Variants in VWC2 observed in about 807,000 individuals in gnomAD.
VWC2 encodes von Willebrand factor C domain containing 2.
Under a neutral mutation model 29.8 loss-of-function variants are expected in VWC2, and 14 were observed. The observed-to-expected ratio is 0.47, with a 90% CI of 0.31 to 0.74. The LOEUF (loss-of-function observed/expected upper bound fraction) is 0.74. Among genes scored for constraint, VWC2 ranks in the 30% least tolerant of loss-of-function variants. VWC2 has a pLI of 0.05. For missense variants in VWC2, 457 were observed against 459.8 expected (o/e 0.99, Z 0.05); for synonymous variants, 213 against 199.0 (o/e 1.07, Z -0.59).
intron 3 of VWC2, among the ~76,000 whole-genome samples, chr7:49,841,723 C>T (rs995049272): frequency 2.6e-5 from 4 of 152,230 alleles, no homozygotes; most frequent in African/African-American, 9.6e-5. Flanking sequence ...ACTTGATGCC[C>T]TTGTCCACAC....
At chr7:49,885,352 AT>A (rs1212356195) in intron 3 of VWC2, among the ~76,000 whole-genome samples, 6 of 152,126 alleles carry the variant, frequency 3.9e-5, no homozygotes, top group East Asian at 1.9e-4. Flanking sequence ...TTTTTAAAAA[AT>A]ATCTCTGAAA....
At chr7:49,785,809 T>C (rs1449880699) in intron 2 of VWC2, among the ~76,000 whole-genome samples, 2 of 152,134 alleles carry the variant, frequency 1.3e-5, no homozygotes, top group Non-Finnish European at 2.9e-5. Context: ...AGATACTTTA[T>C]ACAATAGAGA....
chr7:49,824,910 T>A (rs1485506947), intron 3 of VWC2, among the ~76,000 whole-genome samples: 1 of 152,276 alleles, frequency 6.6e-6, no homozygotes, highest in African/African-American at 2.4e-5. Context: ...CTGTGAAATT[T>A]TCATTTATTA....
chr7:49,862,353 G>T (rs1790686021), intron 3 of VWC2, among the ~76,000 whole-genome samples: 1 of 152,008 alleles, frequency 6.6e-6, no homozygotes, highest in Admixed American at 6.6e-5. Context: ...TCAATTATTA[G>T]CCCTAGTATC....
chr7:49,857,173 C>G (rs1790460260), intron 3 of VWC2, among the ~76,000 whole-genome samples: 1 of 152,074 alleles, frequency 6.6e-6, no homozygotes, highest in African/African-American at 2.4e-5. Flanking sequence ...ACCCATTCAA[C>G]AACTTTCTAC....
rs185808684 is a variant in VWC2, at chr7:49,905,840, G to A, written c.827-6194G>A. 3.3e-5 allele frequency among the ~76,000 whole-genome samples: 5 copies of A among 152,258 alleles called. No individual in the cohort carries two copies. The East Asian group carries it at 5.8e-4, about 18-fold the overall frequency. On this transcript the variant is annotated intron_variant, in intron 3 of 3. Transcript: ENST00000340652. ...TAAAACAGGCTGCAGTAAAGAAGCC[G>A]GCTAAAACCCACCAAAACCAAGATG... is the stretch of plus-strand genomic sequence containing the variant.
At chr7:49,858,239 T>C (rs1032385855) in intron 3 of VWC2, among the ~76,000 whole-genome samples, 1 of 152,192 alleles carries the variant, frequency 6.6e-6, no homozygotes, top group Admixed American at 6.5e-5. Flanking sequence ...CATGCTGCTA[T>C]AATGACACAT....
intron 3 of VWC2, among the ~76,000 whole-genome samples, chr7:49,861,061 C>T (rs1031711041): frequency 7.2e-5 from 11 of 152,168 alleles, no homozygotes; most frequent in South Asian, 2.1e-4. Flanking sequence ...TAAGACTCAC[C>T]GCCCTTTATC....
intron 3 of VWC2, among the ~76,000 whole-genome samples, chr7:49,826,034 G>A (rs1789382902): frequency 6.6e-6 from 1 of 152,102 alleles, no homozygotes; most frequent in Non-Finnish European, 1.5e-5. Context: ...TGTGACTCCA[G>A]TAGAAAGAAA....
intron 3 of VWC2, among the ~76,000 whole-genome samples, chr7:49,902,010 A>C (rs191244003): frequency 6.8e-6 from 1 of 147,556 alleles, no homozygotes; most frequent in Non-Finnish European, 1.5e-5. Context: ...CAAGAGACAG[A>C]CTTTACACCC....
At chr7:49,874,910 G>A (rs6952121) in intron 3 of VWC2, among the ~76,000 whole-genome samples, 106,692 of 151,956 alleles carry the variant, frequency 0.7, 37,936 homozygotes, top group East Asian at 0.88. Context: ...ATGAGAGAGT[G>A]AGATTCTTGG....
At position 49,912,145 on chromosome 7, in the gene VWC2, G is replaced by C. The variant is rs375417945; in HGVS notation, c.938G>C (p.Arg313Pro). 1 of 1,613,986 alleles carries C rather than the reference G, an allele frequency of 6.2e-7. No individual in the cohort carries two copies. Among genetic ancestry groups the C allele is most frequent in the Non-Finnish European group, 8.5e-7 (1 of 1,179,982 alleles). The change falls in exon 4 of 4, where the codon CGG (arginine) becomes CCG (proline). Residue 313 changes from arginine to proline, a missense_variant. This residue lies in a region of VWC2 where 185 missense variants were observed against 257.1 expected (regional missense o/e 0.72). Coordinates refer to ENST00000340652, the MANE Select transcript of VWC2 (RefSeq NM_198570.5). ...GAGGAAGGCACATGGAGAATCGAGC[G>C]GCAGGCCATGTGCACGAGACATGAA... Reference protein sequence around the residue: ...TYEEGTWRIERQAMCTRHECR... With the variant: ...TYEEGTWRIEPQAMCTRHECR...
intron 2 of VWC2, among the ~76,000 whole-genome samples, chr7:49,779,585 AT>A (rs11454792): frequency 0.013 from 1,873 of 147,894 alleles, 42 homozygotes; most frequent in African/African-American, 0.044. Flanking sequence ...CTATTGGCTT[AT>A]TTTTTTTTTT....
intron 3 of VWC2, among the ~76,000 whole-genome samples, chr7:49,865,794 T>C (rs568322421): frequency 1.3e-5 from 2 of 152,250 alleles, no homozygotes; most frequent in South Asian, 2.1e-4. Flanking sequence ...TTGCAAGATA[T>C]ATCAACCTTA....
chr7:49,807,055 CAA>C (rs1788894513), intron 3 of VWC2, among the ~76,000 whole-genome samples: 1 of 151,988 alleles, frequency 6.6e-6, no homozygotes, highest in Non-Finnish European at 1.5e-5. Context: ...TAACATCATA[CAA>C]ATCAAATACT....
At chr7:49,776,580 TTA>T (rs1583617479) in intron 2 of VWC2, among the ~76,000 whole-genome samples, 1 of 152,322 alleles carries the variant, frequency 6.6e-6, no homozygotes, top group Admixed American at 6.5e-5. Flanking sequence ...TTTCCCTAGA[TTA>T]TGTGTTTAGG....
chr7:49,885,212 G>A (rs917706431), intron 3 of VWC2, among the ~76,000 whole-genome samples: 5 of 152,208 alleles, frequency 3.3e-5, no homozygotes, highest in African/African-American at 1.2e-4. Context: ...TTCCAGAGAA[G>A]TTTTAATGTA....
intron 2 of VWC2, among the ~76,000 whole-genome samples, chr7:49,783,934 T>A (rs183966588): frequency 6.6e-6 from 1 of 151,750 alleles, no homozygotes; most frequent in Non-Finnish European, 1.5e-5. Flanking sequence ...AGAAAAGAAA[T>A]TAAAATGCCA....
chr7:49,793,135 G>C (rs1442050816), intron 2 of VWC2, among the ~76,000 whole-genome samples: 1 of 152,216 alleles, frequency 6.6e-6, no homozygotes, highest in Admixed American at 6.5e-5. Context: ...ATGGCTACTG[G>C]TTGGAGGTGA....
Sources: gnomAD v4.1 joint callset for allele counts (sites outside exome capture counted in the v4.1 genomes callset) on GRCh38, gnomAD v4.1.1 for gene constraint, gnomAD v4.1.1 regional missense constraint, MANE v1.5 for transcripts, NCBI Gene and HGNC (gene_info 2026-07-23, HGNC 2026-07-21) for gene names.